Variants in SF1 observed in about 807,000 individuals in gnomAD.
SF1 encodes the protein splicing factor 1.
Under a neutral mutation model 62.5 loss-of-function variants are expected in SF1, and 7 were observed. The observed-to-expected ratio is 0.11, with a 90% confidence interval of 0.06 to 0.21. The LOEUF is 0.21. SF1 is among the 10% of genes least tolerant of loss of function. SF1 has a pLI of 1.00. For synonymous variants in SF1, 394 were observed against 323.6 expected (o/e 1.22, Z -2.33); for missense variants, 578 against 884.0 (o/e 0.65, Z 4.39).
At chr11:64,771,771 G>C in intron 3 of SF1, 1 of 984,560 alleles carries the variant, frequency 1.0e-6, no homozygotes, top group Non-Finnish European at 1.2e-6. Context: ...AAGTTAAGCA[G>C]CATCAAAATA....
At position 64,767,686 on chromosome 11, in the gene SF1, A is replaced by G; in HGVS notation, c.1227T>C (p.Gly409=). The part of the protein sequence containing the change: ...HPLPSLTGGH[G]GHPMQHNPNG... ...TGGGGTTGTGCTGCATGGGATGTCC[A>G]CCATGCCCACCTGTCAGGCTGGGTA... The change falls in exon 10 of 13, where the codon GGT becomes GGC. Residue 409 remains glycine, a synonymous_variant. Transcript: ENST00000377390. 6.2e-7 allele frequency: 1 copy of G among 1,610,420 alleles called. No homozygotes were observed. The highest frequency in any genetic ancestry group is 1.7e-4 in the Middle Eastern group (1 of 6,034).
intron 1 of SF1, chr11:64,777,846 C>T (rs923223893): frequency 2.1e-6 from 2 of 952,454 alleles, no homozygotes; most frequent in Non-Finnish European, 1.2e-6. Context: ...CCGCGCGCGC[C>T]CAGGGGCGCC....
At position 64,778,271 on chromosome 11, in the gene SF1, C is replaced by T. The variant is rs2136004692; in HGVS notation, c.31+91G>A. On this transcript the variant is annotated intron_variant, in intron 1 of 12. Transcript: ENST00000377390. ...CGGCGGCGGCCCGGGAGCCAGCAGC[C>T]CCGCCCCAGGCCCGGGTGCAGGCGG... The T allele has an allele frequency of 3.3e-6, 4 of 1,212,122 alleles. No homozygotes were observed. The South Asian group carries it at 1.7e-4, about 50-fold the overall frequency. 75.1% of individuals were successfully genotyped at this position (1,212,122 alleles called of 1,614,324 possible).
rs757732088 is a variant in SF1, at chr11:64,765,493, G to A, written c.*325C>T. The stretch of plus-strand genomic sequence containing the variant: ...GGAAAGTCCTCACTCTCATGGCTCG[G>A]GCCATCGCCGCCGCGGGGAGGGATC... On this transcript the variant is annotated 3_prime_UTR_variant, in exon 13 of 13. Transcript: ENST00000377390. The A allele has an allele frequency of 1.2e-6, 2 of 1,612,254 alleles. No homozygotes were observed. The highest frequency in any genetic ancestry group is 1.7e-6 in the Non-Finnish European group (2 of 1,179,340).
intron 1 of SF1, among the ~76,000 whole-genome samples, chr11:64,777,104 T>C (rs1444757951): frequency 1.3e-5 from 2 of 152,198 alleles, no homozygotes; most frequent in African/African-American, 2.4e-5. Flanking sequence ...AGTTACACCC[T>C]ACCAAGTGGG....
intron 2 of SF1, chr11:64,775,966 A>G (rs1939157015): frequency 6.3e-6 from 1 of 157,630 alleles, no homozygotes; most frequent in Admixed American, 6.2e-5. Context: ...AGGGAAGGTT[A>G]AACTCTTAAA....
At chr11:64,773,555 T>C (rs1411295350) in intron 2 of SF1, 50 bp from the exon 3 acceptor site, 5 of 1,576,226 alleles carry the variant, frequency 3.2e-6, no homozygotes, top group Non-Finnish European at 4.3e-6. Context: ...AAAAAGACAA[T>C]GTTACCAATA....
chr11:64,772,246 C>G, intron 3 of SF1: 2 of 984,590 alleles, frequency 2.0e-6, no homozygotes, highest in Non-Finnish European at 2.4e-6. Flanking sequence ...TGACTGGTGA[C>G]CTGTAGACAT....
Position 64,767,009 on chromosome 11 carries a change from G to A in SF1, c.1473C>T (p.Pro491=), listed in dbSNP as rs1592450525. The part of the protein sequence containing the change: ...PPPPPSGQPP[P]PPSGPLPPWQ... Reference sequence around the variant, plus strand: ...ATGGGGGAAGAGGACCAGAGGGAGGGGGTGGGGGCTGCCCACTGGGAGGCG... The same window carrying A: ...ATGGGGGAAGAGGACCAGAGGGAGGAGGTGGGGGCTGCCCACTGGGAGGCG... Residue 491 remains proline, a synonymous_variant, in exon 12 of 13, where the codon CCC becomes CCT. Coordinates refer to ENST00000377390, the MANE Select transcript of SF1 (RefSeq NM_004630.4). The A allele has an allele frequency of 3.3e-6, 5 of 1,536,944 alleles. No homozygotes were observed. The East Asian group carries it at 1.1e-4, about 35-fold the overall frequency.
chr11:64,767,848 C>A lies in SF1; in HGVS notation c.1069-4G>T, dbSNP rs766401836. On this transcript the variant is annotated splice_polypyrimidine_tract_variant and splice_region_variant and intron_variant, in intron 9 of 12. Coordinates refer to ENST00000377390, the MANE Select transcript of SF1 (RefSeq NM_004630.4). ...TCTGGGTGGTAGACATGAGAGACTA[C>A]GTGAGAGCATTTCCTGCCAACGTCC... 3 of 1,605,428 alleles carry A rather than the reference C, an allele frequency of 1.9e-6. No homozygotes were observed.
At position 64,765,210 on chromosome 11, in the gene SF1, A is replaced by C; in HGVS notation, c.*608T>G. On this transcript the variant is annotated 3_prime_UTR_variant, in exon 13 of 13. Transcript: ENST00000377390. The stretch of plus-strand genomic sequence containing the variant: ...TTGCTCCCCTCTCCTTGGTAAGGGA[A>C]GGAGAACTGGAGAGAAGGGAAAGGA... 5.0e-6 allele frequency: 2 copies of C among 403,034 alleles called. No individual in the cohort carries two copies. Among genetic ancestry groups the C allele is most frequent in the East Asian group, 4.0e-5 (1 of 24,728 alleles). 25.0% of individuals were successfully genotyped at this position (403,034 alleles called of 1,614,324 possible). A position where few individuals can be genotyped will look rare whatever the true frequency, so the allele number is the denominator to read the frequency against.
rs1215337759 is a variant in SF1, at chr11:64,777,823, C to A, written c.31+539G>T. On this transcript the variant is annotated intron_variant, in intron 1 of 12. Transcript: ENST00000377390. ...CCACAGCGCGCGTGCGCACTCGAGG[C>A]CCTAGAACCAGGCCGCGCGCGCCCA... 4.3e-6 allele frequency: 4 copies of A among 937,830 alleles called. No homozygotes were observed. In the African/African-American group the frequency reaches 7.2e-5, roughly 17 times the overall value. 58.1% of individuals were successfully genotyped at this position (937,830 alleles called of 1,614,324 possible).
At chr11:64,778,291 A>C (rs1939743751) in intron 1 of SF1, 71 bp downstream of exon 1, 3 of 1,210,154 alleles carry the variant, frequency 2.5e-6, no homozygotes, top group South Asian at 8.3e-5. Context: ...GCCCGGGTGC[A>C]GGCGGAGGGC....
At chr11:64,771,897 C>G in intron 3 of SF1, 1 of 985,388 alleles carries the variant, frequency 1.0e-6, no homozygotes, top group Non-Finnish European at 1.2e-6. Flanking sequence ...GCATTAGGGC[C>G]TCTTTCAAAA....
At chr11:64,771,028 C>G (rs1021195204) in intron 3 of SF1, among the ~76,000 whole-genome samples, 4 of 152,198 alleles carry the variant, frequency 2.6e-5, no homozygotes, top group African/African-American at 7.2e-5. Flanking sequence ...AACCTGTTTT[C>G]TGGCTGTTCG....
chr11:64,765,294 G>A lies in SF1; in HGVS notation c.*524C>T, dbSNP rs574233762. ...CTCCTTGGACGGAGTCTGAAGAAAGGAAAAGATAAAGAAGTAACAAAGGAA... is the reference window on the plus strand; with the variant it reads ...CTCCTTGGACGGAGTCTGAAGAAAGAAAAAGATAAAGAAGTAACAAAGGAA... On this transcript the variant is annotated 3_prime_UTR_variant, in exon 13 of 13. Transcript: ENST00000377390. 8.0e-6 allele frequency: 5 copies of A among 623,238 alleles called. No homozygotes were observed. The highest frequency in any genetic ancestry group is 5.5e-5 in the East Asian group (2 of 36,202). 38.6% of individuals were successfully genotyped at this position (623,238 alleles called of 1,614,324 possible).
chr11:64,778,090 C>G, intron 1 of SF1: 1 of 926,838 alleles, frequency 1.1e-6, no homozygotes, highest in Non-Finnish European at 1.3e-6. Flanking sequence ...GCGGAGGGGG[C>G]GGCTGCGGCG....
At chr11:64,776,115 A>G (rs1939195195) in intron 2 of SF1, 1 of 163,956 alleles carries the variant, frequency 6.1e-6, no homozygotes, top group Non-Finnish European at 1.3e-5. Flanking sequence ...GTGAAAGGCC[A>G]CGCTGTGAAA....
intron 3 of SF1, chr11:64,772,113 T>C (rs1938417761): frequency 1.0e-6 from 1 of 985,274 alleles, no homozygotes; most frequent in South Asian, 4.7e-5. Context: ...AAGCTAGTAT[T>C]CTAGAGGTTA....
Sources: allele counts gnomAD v4.1 joint callset (sites outside exome capture counted in the v4.1 genomes callset), GRCh38; gene constraint gnomAD v4.1.1; transcripts MANE v1.5; gene names NCBI Gene and HGNC (gene_info 2026-07-23, HGNC 2026-07-21).